STAB2: variants seen among roughly 807,000 people sequenced by gnomAD.
STAB2 encodes stabilin 2.
In STAB2, 288 loss-of-function variants were observed where a neutral mutation model predicts 338.1. The observed-to-expected ratio is 0.85, with a 90% confidence interval of 0.77 to 0.94. The LOEUF (loss-of-function observed/expected upper bound fraction) is 0.94. Among genes scored for constraint, STAB2 ranks in the 40% least tolerant of loss-of-function variants. The probability of loss-of-function intolerance (pLI) is 0.00; values close to 1 mark genes in which losing one functional copy is unlikely to be tolerated. For missense variants in STAB2, 3,141 were observed against 3,210.1 expected (o/e 0.98, Z 0.52); for synonymous variants, 1,202 against 1,193.3 (o/e 1.01, Z -0.15).
intron 6 of STAB2, 49 bp from the exon 7 acceptor site, chr12:103,637,062 G>GA: frequency 6.5e-7 from 1 of 1,540,224 alleles, no homozygotes; most frequent in Non-Finnish European, 8.7e-7. Context: ...GGGGTCTTAA[G>GA]AACTGGTTAT....
intron 66 of STAB2, 68 bp downstream of exon 66, chr12:103,761,478 C>G: frequency 1.4e-6 from 2 of 1,384,468 alleles, no homozygotes; most frequent in Non-Finnish European, 2.0e-6. Context: ...ACAGGCAAAC[C>G]ATTACCAGAA....
At chr12:103,735,606 A>C in intron 52 of STAB2, 26 bp downstream of exon 52, 5 of 529,322 alleles carry the variant, frequency 9.4e-6, no homozygotes, top group Non-Finnish European at 1.8e-5. Context: ...AAGGGTGGGC[A>C]GGGAGGGGTT....
chr12:103,715,440 C>G (rs372069231), intron 42 of STAB2, among the ~76,000 whole-genome samples: 1 of 152,184 alleles, frequency 6.6e-6, no homozygotes, highest in African/African-American at 2.4e-5. Context: ...CTGAACCAAT[C>G]TATATTGTGA....
intron 38 of STAB2, among the ~76,000 whole-genome samples, chr12:103,707,530 T>A (rs900984115): frequency 1.3e-5 from 2 of 152,348 alleles, no homozygotes; most frequent in South Asian, 4.1e-4. Flanking sequence ...GTTCTTTACC[T>A]GAGGGTTGCT....
intron 67 of STAB2, 34 bp from the exon 68 acceptor site, chr12:103,763,441 CGCTCCTGCTTTGGGGAT>C: frequency 6.4e-7 from 1 of 1,561,336 alleles, no homozygotes; most frequent in African/African-American, 1.4e-5. Context: ...TTGGCTGAGA[CGCTCCTGCTTTGGGGAT>C]GCTCCTGGCT....
At chr12:103,758,398 C>T (rs1884292569) in intron 64 of STAB2, 109 bp downstream of exon 64, 8 of 1,535,220 alleles carry the variant, frequency 5.2e-6, no homozygotes, top group Admixed American at 1.8e-5. Context: ...ATTTATTTAG[C>T]TCACAGATCA....
chr12:103,748,373 A>G (rs1171399210), intron 58 of STAB2, among the ~76,000 whole-genome samples: 1 of 152,012 alleles, frequency 6.6e-6, no homozygotes, highest in Non-Finnish European at 1.5e-5. Context: ...TATTTGGGGG[A>G]TCATAAAAAC....
At chr12:103,616,566 A>G (rs1957213913) in intron 3 of STAB2, among the ~76,000 whole-genome samples, 1 of 152,218 alleles carries the variant, frequency 6.6e-6, no homozygotes, top group South Asian at 2.1e-4. Flanking sequence ...CTGGGAGGAC[A>G]TTTCTGCAAG....
At chr12:103,651,604 A>C (rs1873749908) in intron 11 of STAB2, among the ~76,000 whole-genome samples, 1 of 151,990 alleles carries the variant, frequency 6.6e-6, no homozygotes, top group African/African-American at 2.4e-5. Context: ...GAGCCACTGC[A>C]CCTGGCCCAG....
In STAB2 at chr12:103,631,609, G is replaced by T. The variant is rs1421129812; in HGVS notation, c.499G>T (p.Val167Leu). The change falls in exon 6 of 69, where the codon GTG becomes TTG. Residue 167 changes from valine (V) to leucine (L), a missense_variant. Coordinates refer to ENST00000388887, the MANE Select transcript of STAB2 (RefSeq NM_017564.10). ...GPSCSSVCNCVHGVCNSGLDG... is the reference protein window; with the variant it reads ...GPSCSSVCNCLHGVCNSGLDG... ...CTTTCTGTCTCCAGTGTGCAACTGT[G>T]TGCATGGGGTGTGCAACAGTGGACT... 1 of 1,613,986 alleles carries T rather than the reference G, an allele frequency of 6.2e-7. No individual in the cohort carries two copies. The highest frequency in any genetic ancestry group is 8.5e-7 in the Non-Finnish European group (1 of 1,179,998).
intron 3 of STAB2, among the ~76,000 whole-genome samples, chr12:103,619,358 A>C (rs896350792): frequency 2.6e-5 from 4 of 152,098 alleles, no homozygotes; most frequent in Admixed American, 2.6e-4. Context: ...TCAACTCAGC[A>C]CTCAAAGTGT....
At chr12:103,681,613 C>CTTTT (rs907234037) in intron 25 of STAB2, among the ~76,000 whole-genome samples, 21 of 92,948 alleles carry the variant, frequency 2.3e-4, no homozygotes, top group African/African-American at 4.1e-4. Flanking sequence ...TTCCCCCCTA[C>CTTTT]TTTTTTTTTT....
Position 103,699,081 on chromosome 12 carries a change from C to G in STAB2, c.3583-15C>G. On this transcript the variant is annotated splice_polypyrimidine_tract_variant and intron_variant, in intron 33 of 68. Transcript: ENST00000388887. ...CTGATCTCTTGACTGACTTCCAATT[C>G]TGTGTGTGATCCAGGAGGAGGACGT... 1.2e-6 allele frequency: 2 copies of G among 1,600,788 alleles called. No individual in the cohort carries two copies. Among genetic ancestry groups the G allele is most frequent in the Non-Finnish European group, 1.7e-6 (2 of 1,170,678 alleles).
At chr12:103,750,778 G>C in intron 60 of STAB2, 58 bp downstream of exon 60, 2 of 1,543,216 alleles carry the variant, frequency 1.3e-6, no homozygotes, top group Non-Finnish European at 1.8e-6. Flanking sequence ...CTGGGGAAGG[G>C]ACCCTCAAGG....
At position 103,677,453 on chromosome 12, in the gene STAB2, G is replaced by A. The variant is rs1156819556; in HGVS notation, c.2647G>A (p.Ala883Thr). 5.6e-6 allele frequency: 9 copies of A among 1,606,134 alleles called. No homozygotes were observed. In the South Asian group the frequency reaches 8.8e-5, roughly 16 times the overall value. The change falls in exon 25 of 69, where the codon GCA (alanine) becomes ACA (threonine). Residue 883 changes from alanine to threonine, a missense_variant and splice_region_variant. By Grantham distance (58) the Ala-to-Thr change is moderately conservative. Coordinates refer to ENST00000388887, the MANE Select transcript of STAB2 (RefSeq NM_017564.10). ...GLTPGGCSRN[A>T]ECIKTGTGTH... ...TTTGCTTTTTCTTTTCCTCCTGCAG[G>A]CAGAATGCATCAAAACTGGCACGGG...
chr12:103,612,648 G>C (rs1016085291), intron 3 of STAB2, among the ~76,000 whole-genome samples: 1 of 152,096 alleles, frequency 6.6e-6, no homozygotes, highest in Non-Finnish European at 1.5e-5. Context: ...CCTTTAGCTC[G>C]GAGAAGTTTG....
chr12:103,662,926 A>C lies in STAB2; in HGVS notation c.1950A>C (p.Gly650=), dbSNP rs1874748015. 1 of 1,614,202 alleles carries C rather than the reference A, an allele frequency of 6.2e-7. No individual in the cohort carries two copies. The highest frequency in any genetic ancestry group is 1.1e-5 in the South Asian group (1 of 91,092). The change falls in exon 18 of 69, where the codon GGA becomes GGC. Residue 650 remains glycine, a synonymous_variant. Coordinates refer to ENST00000388887, the MANE Select transcript of STAB2 (RefSeq NM_017564.10). The part of the protein sequence containing the change: ...AKNGRIYTLT[G]VLIPPSIVPI... ...ATGGCCGAATTTACACACTGACAGGAGTTCTCATTCCTCCCTCCATTGTCC... is the reference window on the plus strand; with the variant it reads ...ATGGCCGAATTTACACACTGACAGGCGTTCTCATTCCTCCCTCCATTGTCC...
intron 3 of STAB2, among the ~76,000 whole-genome samples, chr12:103,615,769 T>A (rs1254005273): frequency 2.0e-5 from 3 of 152,122 alleles, no homozygotes; most frequent in African/African-American, 7.2e-5. Context: ...CAGGCACCTC[T>A]TCACAGGGTG....
intron 6 of STAB2, among the ~76,000 whole-genome samples, chr12:103,632,778 G>A (rs1297253126): frequency 6.6e-6 from 1 of 152,134 alleles, no homozygotes; most frequent in Admixed American, 6.5e-5. Flanking sequence ...TGTCCCGCCA[G>A]CGCCCTCTAC....
Sources: allele counts gnomAD v4.1 joint callset (sites outside exome capture counted in the v4.1 genomes callset), GRCh38; gene constraint gnomAD v4.1.1; transcripts MANE v1.5; gene names NCBI Gene and HGNC (gene_info 2026-07-23, HGNC 2026-07-21).